ABI3BP: variants seen among roughly 807,000 people sequenced by gnomAD.
ABI3BP encodes target of Nesh-SH3.
Under a neutral mutation model 268.6 loss-of-function variants are expected in ABI3BP, and 216 were observed. The ratio of observed to expected loss-of-function variants is 0.80; its 90% CI spans 0.72 to 0.90. The LOEUF is 0.90. Among genes scored for constraint, ABI3BP ranks in the 40% least tolerant of loss-of-function variants. The pLI is 0.00. For synonymous variants in ABI3BP, 730 were observed against 730.0 expected (o/e 1.00, Z 0.00); for missense variants, 2,090 against 2,182.4 (o/e 0.96, Z 0.84).
At chr3:100,830,149 ATATATATATATATAT>A in intron 32 of ABI3BP, among the ~76,000 whole-genome samples, 1 of 64,702 alleles carries the variant, frequency 1.5e-5, no homozygotes, top group East Asian at 5.6e-4. Flanking sequence ...ATATATATAT[ATATATATATATATAT>A]AAAATGCAGA....
chr3:100,753,291 A>T (rs935798023), intron 65 of ABI3BP, among the ~76,000 whole-genome samples: 46 of 151,820 alleles, frequency 3.0e-4, no homozygotes, highest in African/African-American at 1.1e-3. Flanking sequence ...AGTGGAAATG[A>T]GGGTGTTAAT....
At chr3:100,902,753 T>A in intron 2 of ABI3BP, 67 bp from the exon 3 acceptor site, 1 of 1,318,058 alleles carries the variant, frequency 7.6e-7, no homozygotes, top group South Asian at 1.2e-5. Flanking sequence ...AGCACACCCC[T>A]ACCCTGATTC....
rs970854498 is a variant in ABI3BP, at chr3:100,847,744, T to C, written c.1577-71A>G. 11 of 1,256,194 alleles carry C rather than the reference T, an allele frequency of 8.8e-6. No individual in the cohort carries two copies. In the Admixed American group the frequency reaches 1.9e-4, roughly 22 times the overall value. The allele number at this position is 1,256,194 out of a possible 1,614,324, so 77.8% of individuals were successfully genotyped here. On this transcript the variant is annotated intron_variant, in intron 18 of 67. Transcript: ENST00000471714. Reference sequence around the variant, plus strand: ...AAAAAGACACCCTCTAAAGAGGAACTAAATGATCCATTTAAAATCCTGCCA... The same window carrying C: ...AAAAAGACACCCTCTAAAGAGGAACCAAATGATCCATTTAAAATCCTGCCA...
intron 1 of ABI3BP, among the ~76,000 whole-genome samples, chr3:100,936,987 C>T (rs958194339): frequency 1.3e-5 from 2 of 151,994 alleles, no homozygotes; most frequent in African/African-American, 4.8e-5. Context: ...TTCGTTTCTG[C>T]TCTGATTTTA....
intron 63 of ABI3BP, 115 bp downstream of exon 63, chr3:100,765,726 A>G (rs1284020390): frequency 6.4e-6 from 5 of 780,338 alleles, no homozygotes; most frequent in Non-Finnish European, 1.1e-5. Context: ...CCCAAGAGTG[A>G]AATGGAAGCT....
intron 54 of ABI3BP, 109 bp from the exon 55 acceptor site, chr3:100,792,877 C>A: frequency 1.1e-6 from 1 of 899,428 alleles, no homozygotes; most frequent in South Asian, 1.5e-5. Context: ...GGATAAGTTG[C>A]ATTTAGAAAT....
intron 67 of ABI3BP, 22 bp downstream of exon 67, chr3:100,751,530 T>C (rs371783859): frequency 7.0e-6 from 11 of 1,565,870 alleles, no homozygotes; most frequent in Non-Finnish European, 9.5e-6. Context: ...TCTGTTCTTA[T>C]GAGGAGGATC....
chr3:100,875,951 T>C (rs896088839), intron 7 of ABI3BP, among the ~76,000 whole-genome samples: 14 of 152,186 alleles, frequency 9.2e-5, no homozygotes, highest in African/African-American at 3.1e-4. Flanking sequence ...AGCCTTTGAG[T>C]AATATCAACA....
At chr3:100,902,949 T>C (rs1284446547) in intron 2 of ABI3BP, among the ~76,000 whole-genome samples, 1 of 152,222 alleles carries the variant, frequency 6.6e-6, no homozygotes, top group African/African-American at 2.4e-5. Context: ...ACACAGATTT[T>C]AAACGCTGTC....
chr3:100,876,825 C>T (rs1390660731), intron 6 of ABI3BP, among the ~76,000 whole-genome samples: 1 of 147,388 alleles, frequency 6.8e-6, no homozygotes, highest in African/African-American at 2.5e-5. Context: ...ACTAAAAATA[C>T]AAAAAAAAAA....
At chr3:100,874,803 GT>G in intron 9 of ABI3BP, 37 bp downstream of exon 9, 1 of 1,260,856 alleles carries the variant, frequency 7.9e-7, no homozygotes, top group Non-Finnish European at 1.1e-6. Context: ...CTAGTACTCA[GT>G]TACTGCAAAG....
At chr3:100,830,437 CTT>C in intron 32 of ABI3BP, 139 bp downstream of exon 32, 1 of 664,120 alleles carries the variant, frequency 1.5e-6, no homozygotes, top group Non-Finnish European at 2.4e-6. Flanking sequence ...TTTTAATACT[CTT>C]ATACATATTA....
chr3:100,831,174 T>G, intron 31 of ABI3BP, among the ~76,000 whole-genome samples: 1 of 152,154 alleles, frequency 6.6e-6, no homozygotes, highest in East Asian at 1.9e-4. Context: ...CTCTGACATC[T>G]TTTTAACCAA....
intron 61 of ABI3BP, among the ~76,000 whole-genome samples, chr3:100,771,484 T>C (rs1010315409): frequency 3.9e-5 from 6 of 152,120 alleles, no homozygotes; most frequent in African/African-American, 9.7e-5. Context: ...GAAACCAATG[T>C]AGATCTCACA....
rs2095414641 is a variant in ABI3BP, at chr3:100,752,892, ACT to A, written c.5015_5016del (p.Glu1672ValfsTer2). 9 of 1,613,436 alleles carry A rather than the reference ACT, an allele frequency of 5.6e-6. No homozygotes were observed. The highest frequency in any genetic ancestry group is 7.6e-6 in the Non-Finnish European group (9 of 1,179,672). ...ERPFNSDSYS[E>X]CKGKQYVKRT... ...CTTTTGACATATTGTTTGCCCTTAC[ACT>A]CTGAGTAAGAGTCTGAATTAAAGGG... On this transcript the variant is annotated frameshift_variant, in exon 66 of 68. Transcript: ENST00000471714. LOFTEE classifies it high-confidence loss of function.
chr3:100,890,930 C>A (rs2044329961), intron 4 of ABI3BP, among the ~76,000 whole-genome samples: 1 of 152,036 alleles, frequency 6.6e-6, no homozygotes, highest in Non-Finnish European at 1.5e-5. Flanking sequence ...GCATGTGAGC[C>A]CCAGTTTAGG....
intron 1 of ABI3BP, among the ~76,000 whole-genome samples, chr3:100,933,194 T>C (rs1404718582): frequency 2.0e-5 from 3 of 151,968 alleles, no homozygotes; most frequent in Admixed American, 2.0e-4. Flanking sequence ...GTTTTCAATG[T>C]GGCAGACACT....
intron 26 of ABI3BP, among the ~76,000 whole-genome samples, chr3:100,837,501 C>T (rs2098615612): frequency 6.6e-6 from 1 of 152,174 alleles, no homozygotes; most frequent in African/African-American, 2.4e-5. Context: ...TGCCTATAAT[C>T]CCAGCACTTT....
Position 100,993,322 on chromosome 3 carries a change from T to G in ABI3BP, c.63A>C (p.Ala21=). ...CGSITLALGN[A]QKLPKGKRPN... ...GCTACTTGCCTTTTGGCAATTTCTG[T>G]GCATTTCCCAGGGCTAGTGTAATAC... Residue 21 remains alanine, a synonymous_variant, in exon 1 of 68, where the codon GCA becomes GCC. Transcript: ENST00000471714. 15 of 1,551,882 alleles carry G rather than the reference T, an allele frequency of 9.7e-6. No individual in the cohort carries two copies. The highest frequency in any genetic ancestry group is 1.3e-5 in the Non-Finnish European group (15 of 1,146,972).
Sources: gnomAD v4.1 joint callset for allele counts (sites outside exome capture counted in the v4.1 genomes callset) on GRCh38, gnomAD v4.1.1 for gene constraint, MANE v1.5 for transcripts, NCBI Gene and HGNC (gene_info 2026-07-23, HGNC 2026-07-21) for gene names.